ZDHHC17: variants seen among roughly 807,000 people sequenced by gnomAD.
ZDHHC17 encodes zDHHC palmitoyltransferase 17, also known as palmitoyltransferase ZDHHC17.
In ZDHHC17, 40 loss-of-function variants were observed where a neutral mutation model predicts 90.3. The ratio of observed to expected loss-of-function variants is 0.44; its 90% confidence interval spans 0.34 to 0.58. ZDHHC17 has a LOEUF of 0.58. Ranked by LOEUF, ZDHHC17 falls within the 20% of genes least tolerant of loss-of-function variation. The pLI, the probability that ZDHHC17 is intolerant of heterozygous loss-of-function variation, is 0.01. For missense variants in ZDHHC17, 614 were observed against 780.8 expected (o/e 0.79, Z 2.55); for synonymous variants, 235 against 252.4 (o/e 0.93, Z 0.65).
At chr12:76,793,450 G>A (rs1952783366) in intron 1 of ZDHHC17, among the ~76,000 whole-genome samples, 1 of 152,202 alleles carries the variant, frequency 6.6e-6, no homozygotes, top group Non-Finnish European at 1.5e-5. Flanking sequence ...TACCTGGGAG[G>A]CGGAGGTTGC....
At position 76,797,941 on chromosome 12, in the gene ZDHHC17, C is replaced by CCACACACACACA. The variant is rs60610921; in HGVS notation, c.197+430_197+441dup. Among the ~76,000 whole-genome samples the CCACACACACACA allele has an allele frequency of 1.6e-3, 235 of 147,586 alleles. 2 individuals are homozygous for CCACACACACACA. Among genetic ancestry groups the CCACACACACACA allele is most frequent in the Non-Finnish European group, 2.8e-3 (185 of 66,748 alleles). ...CCTAGGCAACAAGAGTGAAACTCTG[C>CCACACACACACA]CACACACACACACACACACACACAC... On this transcript the variant is annotated intron_variant, in intron 2 of 16. Coordinates refer to ENST00000426126, the MANE Select transcript of ZDHHC17 (RefSeq NM_015336.4).
chr12:76,809,563 TAAATG>T (rs1163709234), intron 4 of ZDHHC17, 145 bp from the exon 5 acceptor site: 1 of 578,830 alleles, frequency 1.7e-6, no homozygotes, highest in East Asian at 3.4e-5. Flanking sequence ...CATAAAATCC[TAAATG>T]TATTTTGACA....
chr12:76,816,641 A>G (rs185581441), intron 7 of ZDHHC17, among the ~76,000 whole-genome samples: 1 of 152,132 alleles, frequency 6.6e-6, no homozygotes, highest in East Asian at 1.9e-4. Context: ...GGGGTTCAGG[A>G]CACATACTAA....
chr12:76,764,390 C>G, intron 1 of ZDHHC17, 61 bp downstream of exon 1: 2 of 1,484,184 alleles, frequency 1.3e-6, no homozygotes, highest in South Asian at 1.2e-5. Context: ...CTTCCCCGGA[C>G]TCGCCGAGGG....
At chr12:76,839,959 C>T (rs961744829) in intron 10 of ZDHHC17, 3 of 152,050 alleles carry the variant, frequency 2.0e-5, no homozygotes, top group African/African-American at 4.8e-5. Context: ...TTGGCGAGGC[C>T]GAATAGCATA....
chr12:76,779,631 A>T (rs1481420273), intron 1 of ZDHHC17, among the ~76,000 whole-genome samples: 1 of 152,198 alleles, frequency 6.6e-6, no homozygotes, highest in Non-Finnish European at 1.5e-5. Context: ...GCCAAACCAC[A>T]TCAGCCTCAT....
intron 12 of ZDHHC17, chr12:76,844,136 C>T (rs1953466052): frequency 6.6e-6 from 1 of 152,186 alleles, no homozygotes; most frequent in African/African-American, 2.4e-5. Flanking sequence ...TGCTGATGTA[C>T]TTGCCATATG....
intron 1 of ZDHHC17, among the ~76,000 whole-genome samples, chr12:76,766,089 C>T (rs1952427598): frequency 6.6e-6 from 1 of 152,184 alleles, no homozygotes; most frequent in Non-Finnish European, 1.5e-5. Context: ...ATAATTTTAA[C>T]TGGCAACAAA....
intron 8 of ZDHHC17, 113 bp downstream of exon 8, chr12:76,822,644 T>G (rs1953179473): frequency 1.2e-6 from 1 of 808,994 alleles, no homozygotes; most frequent in Non-Finnish European, 2.0e-6. Flanking sequence ...AATCCCTGCC[T>G]CTCGGTTTAA....
chr12:76,822,154 T>A (rs1276631211), intron 7 of ZDHHC17, among the ~76,000 whole-genome samples: 1 of 152,228 alleles, frequency 6.6e-6, no homozygotes, highest in Admixed American at 6.5e-5. Context: ...ACTTTTTGAT[T>A]TGCTCTCTAA....
At chr12:76,821,335 G>A (rs1953160790) in intron 7 of ZDHHC17, among the ~76,000 whole-genome samples, 1 of 152,002 alleles carries the variant, frequency 6.6e-6, no homozygotes, top group South Asian at 2.1e-4. Context: ...GGATTGGTTG[G>A]GCTTTTTGTT....
intron 2 of ZDHHC17, among the ~76,000 whole-genome samples, chr12:76,801,488 C>T (rs928366614): frequency 4.0e-5 from 6 of 151,750 alleles, no homozygotes; most frequent in African/African-American, 1.4e-4. Flanking sequence ...CCCGTCTCTA[C>T]TGAAAATACA....
At chr12:76,817,741 C>T (rs1340053380) in intron 7 of ZDHHC17, among the ~76,000 whole-genome samples, 1 of 152,000 alleles carries the variant, frequency 6.6e-6, no homozygotes, top group East Asian at 1.9e-4. Flanking sequence ...TTAAATTACT[C>T]TTAGTAAAAG....
intron 15 of ZDHHC17, among the ~76,000 whole-genome samples, 164 bp downstream of exon 15, chr12:76,848,554 T>G (rs1229745308): frequency 1.3e-5 from 2 of 152,188 alleles, no homozygotes; most frequent in African/African-American, 2.4e-5. Flanking sequence ...CCCTTCCTCT[T>G]CTCATATTGT....
chr12:76,784,695 C>T (rs138957658), intron 1 of ZDHHC17, among the ~76,000 whole-genome samples: 27 of 152,276 alleles, frequency 1.8e-4, no homozygotes, highest in Non-Finnish European at 3.5e-4. Context: ...TGCCAAAACC[C>T]TTGCATACAT....
chr12:76,801,210 T>C (rs1952884163), intron 2 of ZDHHC17, among the ~76,000 whole-genome samples: 1 of 151,728 alleles, frequency 6.6e-6, no homozygotes, highest in Non-Finnish European at 1.5e-5. Context: ...ATATGCCATA[T>C]AGCTTTTTTT....
chr12:76,765,893 G>A (rs1194333014), intron 1 of ZDHHC17, among the ~76,000 whole-genome samples: 8 of 152,044 alleles, frequency 5.3e-5, no homozygotes, highest in South Asian at 2.1e-4. Context: ...TAGAAGAAGA[G>A]GTCTCCCTAT....
intron 10 of ZDHHC17, among the ~76,000 whole-genome samples, chr12:76,836,992 C>A (rs1323719685): frequency 3.3e-5 from 5 of 152,104 alleles, no homozygotes; most frequent in African/African-American, 1.2e-4. Flanking sequence ...ATGTCTCTTG[C>A]AAATAGCATA....
intron 1 of ZDHHC17, among the ~76,000 whole-genome samples, chr12:76,795,900 T>A (rs1235165197): frequency 6.6e-6 from 1 of 152,294 alleles, no homozygotes; most frequent in East Asian, 1.9e-4. Context: ...TCTTCTAATG[T>A]GGGTATATAA....
Sources: gnomAD v4.1 joint callset for allele counts (sites outside exome capture counted in the v4.1 genomes callset) on GRCh38, gnomAD v4.1.1 for gene constraint, MANE v1.5 for transcripts, NCBI Gene and HGNC (gene_info 2026-07-23, HGNC 2026-07-21) for gene names.